Variants in TTC28 observed in about 807,000 individuals in gnomAD.
TTC28 encodes the protein tetratricopeptide repeat protein 28.
In TTC28, 61 loss-of-function variants were observed where a neutral mutation model predicts 198.0. The observed-to-expected ratio is 0.31, with a 90% CI of 0.25 to 0.38. The LOEUF (loss-of-function observed/expected upper bound fraction) is 0.38, where lower values mean the gene tolerates loss of function less well. Ranked by LOEUF, TTC28 falls within the 10% of genes least tolerant of loss-of-function variation. The probability of loss-of-function intolerance (pLI) is 1.00; values close to 1 mark genes in which losing one functional copy is unlikely to be tolerated. For missense variants in TTC28, 2,678 were observed against 3,164.0 expected (o/e 0.85, Z 3.69); for synonymous variants, 1,171 against 1,297.8 (o/e 0.90, Z 2.10).
chr22:28,465,241 G>A (rs1047134783), intron 2 of TTC28, among the ~76,000 whole-genome samples: 1 of 152,162 alleles, frequency 6.6e-6, no homozygotes, highest in Non-Finnish European at 1.5e-5. Flanking sequence ...CCTAGATAAG[G>A]AGAAGAGAAC....
chr22:28,125,603 G>A (rs555533007), intron 6 of TTC28, among the ~76,000 whole-genome samples: 2 of 152,312 alleles, frequency 1.3e-5, no homozygotes, highest in East Asian at 1.9e-4. Flanking sequence ...AAACAGTACA[G>A]ATCAATACTG....
At chr22:28,337,520 G>A (rs915940525) in intron 2 of TTC28, among the ~76,000 whole-genome samples, 1 of 152,142 alleles carries the variant, frequency 6.6e-6, no homozygotes, top group African/African-American at 2.4e-5. Flanking sequence ...GAATCTGGGA[G>A]CTTCTGTATT....
At chr22:28,127,178 T>C (rs892512362) in intron 6 of TTC28, among the ~76,000 whole-genome samples, 1 of 152,236 alleles carries the variant, frequency 6.6e-6, no homozygotes, top group African/African-American at 2.4e-5. Context: ...ACTAAAAATA[T>C]CTAGTACAGA....
chr22:28,383,030 T>C (rs905392317), intron 2 of TTC28, among the ~76,000 whole-genome samples: 9 of 152,206 alleles, frequency 5.9e-5, no homozygotes, highest in African/African-American at 1.7e-4. Flanking sequence ...CTTCAAAAGA[T>C]TGTCCTCTTT....
At chr22:28,216,867 G>A (rs895334862) in intron 5 of TTC28, among the ~76,000 whole-genome samples, 3 of 151,938 alleles carry the variant, frequency 2.0e-5, no homozygotes, top group East Asian at 1.9e-4. Flanking sequence ...GATCACAGGC[G>A]CATGCCACCA....
intron 5 of TTC28, among the ~76,000 whole-genome samples, chr22:28,226,241 A>C (rs146724986): frequency 2.1e-3 from 324 of 152,266 alleles, no homozygotes; most frequent in African/African-American, 6.8e-3. Flanking sequence ...GTGGTGGTAC[A>C]ACTTTGCATT....
intron 1 of TTC28, among the ~76,000 whole-genome samples, chr22:28,650,642 T>C (rs2051549867): frequency 6.6e-6 from 1 of 152,186 alleles, no homozygotes; most frequent in Non-Finnish European, 1.5e-5. Context: ...GCATAATTAA[T>C]GCAAATATAA....
chr22:28,101,415 G>T, intron 8 of TTC28, 135 bp from the exon 9 acceptor site: 2 of 723,792 alleles, frequency 2.8e-6, no homozygotes, highest in Non-Finnish European at 4.5e-6. Context: ...CCCCAGACTG[G>T]AGTGCAGTGG....
chr22:28,580,429 G>C (rs1486805665), intron 2 of TTC28, among the ~76,000 whole-genome samples: 1 of 151,966 alleles, frequency 6.6e-6, no homozygotes, highest in South Asian at 2.1e-4. Context: ...ATAGAGGCAG[G>C]GTCTCACTAT....
At chr22:28,196,959 A>G (rs554679973) in intron 5 of TTC28, among the ~76,000 whole-genome samples, 2 of 152,142 alleles carry the variant, frequency 1.3e-5, no homozygotes, top group South Asian at 2.1e-4. Context: ...CTGCTATAAA[A>G]ACACATGCAC....
Position 28,433,337 on chromosome 22 carries a change from A to C in TTC28, c.382-126694T>G, listed in dbSNP as rs117485617. 1.6e-4 allele frequency among the ~76,000 whole-genome samples: 24 copies of C among 152,284 alleles called. No homozygotes were observed. In the East Asian group the frequency reaches 4.6e-3, roughly 29 times the overall value. On this transcript the variant is annotated intron_variant, in intron 2 of 22. Coordinates refer to ENST00000397906, the MANE Select transcript of TTC28 (RefSeq NM_001145418.2). ...ACCCTAGATTGCAAACTCCTAAAGAAGCAGAAGGAGAGAAGCCCAGTGGAT... is the reference window on the plus strand; with the variant it reads ...ACCCTAGATTGCAAACTCCTAAAGACGCAGAAGGAGAGAAGCCCAGTGGAT...
At chr22:28,563,004 T>C (rs573316756) in intron 2 of TTC28, among the ~76,000 whole-genome samples, 18 of 152,124 alleles carry the variant, frequency 1.2e-4, no homozygotes, top group African/African-American at 4.3e-4. Context: ...GTACCTGTAG[T>C]CCCAGCTACT....
chr22:28,114,796 G>A (rs546225429), intron 6 of TTC28, among the ~76,000 whole-genome samples: 181 of 152,156 alleles, frequency 1.2e-3, no homozygotes, highest in African/African-American at 4.0e-3. Flanking sequence ...ATGTTGCCCA[G>A]GCTAGTCTCA....
intron 2 of TTC28, among the ~76,000 whole-genome samples, chr22:28,441,776 G>A (rs1195443808): frequency 1.3e-5 from 2 of 151,748 alleles, no homozygotes; most frequent in Non-Finnish European, 2.9e-5. Context: ...ACCAGGCAGC[G>A]GCTAACAGAG....
At chr22:28,390,311 C>T (rs773047387) in intron 2 of TTC28, among the ~76,000 whole-genome samples, 2 of 152,166 alleles carry the variant, frequency 1.3e-5, no homozygotes, top group Middle Eastern at 6.8e-3. Flanking sequence ...GAAAAAAATG[C>T]ATATTCTGTT....
chr22:28,166,083 G>C (rs1921903051), intron 5 of TTC28, among the ~76,000 whole-genome samples: 1 of 152,110 alleles, frequency 6.6e-6, no homozygotes, highest in Admixed American at 6.6e-5. Flanking sequence ...AGACAAAGAA[G>C]GCCACTACTT....
At chr22:28,130,886 A>T (rs964335312) in intron 6 of TTC28, among the ~76,000 whole-genome samples, 1 of 152,224 alleles carries the variant, frequency 6.6e-6, no homozygotes, top group East Asian at 1.9e-4. Context: ...ATTAGTTTAG[A>T]TACTTTTTTC....
At chr22:28,530,745 G>T (rs1296823842) in intron 2 of TTC28, among the ~76,000 whole-genome samples, 3 of 152,088 alleles carry the variant, frequency 2.0e-5, no homozygotes, top group Non-Finnish European at 4.4e-5. Flanking sequence ...AGAGAGTGGG[G>T]GCCAATATTC....
chr22:28,440,257 C>T (rs2047597732), intron 2 of TTC28, among the ~76,000 whole-genome samples: 1 of 152,228 alleles, frequency 6.6e-6, no homozygotes, highest in South Asian at 2.1e-4. Flanking sequence ...CTCTAGAAGA[C>T]TGGGACCTAA....
Sources: allele counts gnomAD v4.1 joint callset (sites outside exome capture counted in the v4.1 genomes callset), GRCh38; gene constraint gnomAD v4.1.1; transcripts MANE v1.5; gene names NCBI Gene and HGNC (gene_info 2026-07-23, HGNC 2026-07-21).